Variants in HSPA12A observed in about 807,000 individuals in gnomAD.
HSPA12A encodes the protein heat shock protein family A (Hsp70) member 12A.
Under a neutral mutation model 69.2 loss-of-function variants are expected in HSPA12A, and 28 were observed. The ratio of observed to expected loss-of-function variants is 0.40; its 90% CI spans 0.30 to 0.55. The LOEUF is 0.55. HSPA12A is among the 20% of genes least tolerant of loss of function. The pLI, the probability that HSPA12A is intolerant of heterozygous loss-of-function variation, is 0.38. For synonymous variants in HSPA12A, 345 were observed against 370.5 expected (o/e 0.93, Z 0.79); for missense variants, 686 against 900.7 (o/e 0.76, Z 3.05).
chr10:116,758,815 T>C (rs1338089586), intron 2 of HSPA12A, among the ~76,000 whole-genome samples: 1 of 152,002 alleles, frequency 6.6e-6, no homozygotes, highest in East Asian at 1.9e-4. Context: ...ACCAAGGAAA[T>C]AAAGAGTGTG....
intron 1 of HSPA12A, among the ~76,000 whole-genome samples, chr10:116,735,949 T>A (rs1276155719): frequency 6.6e-6 from 1 of 151,952 alleles, no homozygotes; most frequent in Non-Finnish European, 1.5e-5. Flanking sequence ...TAAGCCAAGA[T>A]CACGCCACTG....
chr10:116,792,169 T>C (rs544064925), intron 2 of HSPA12A, among the ~76,000 whole-genome samples: 1 of 148,004 alleles, frequency 6.8e-6, no homozygotes, highest in Admixed American at 7.0e-5. Flanking sequence ...GCCACGTACA[T>C]GCATGTACGT....
chr10:116,725,179 C>T (rs1850914005), intron 1 of HSPA12A, among the ~76,000 whole-genome samples: 1 of 152,182 alleles, frequency 6.6e-6, no homozygotes, highest in African/African-American at 2.4e-5. Context: ...TGTTAGCCTC[C>T]TCCAGGGCCC....
At chr10:116,803,178 G>T (rs1181724355) in intron 2 of HSPA12A, among the ~76,000 whole-genome samples, 1 of 152,260 alleles carries the variant, frequency 6.6e-6, no homozygotes, top group African/African-American at 2.4e-5. Context: ...TTTTCTGAGG[G>T]TATGCTGTGT....
intron 2 of HSPA12A, among the ~76,000 whole-genome samples, chr10:116,755,805 CAAAA>C (rs11286178): frequency 1.6e-5 from 2 of 123,386 alleles, no homozygotes; most frequent in Non-Finnish European, 1.7e-5. Flanking sequence ...CCATCTCTAC[CAAAA>C]AAAAAAAAAA....
At chr10:116,825,582 C>T (rs562297481) in intron 2 of HSPA12A, among the ~76,000 whole-genome samples, 82 of 152,142 alleles carry the variant, frequency 5.4e-4, no homozygotes, top group Middle Eastern at 3.4e-3. Context: ...TTATGCTAAA[C>T]GAAAGAAGCA....
chr10:116,812,555 G>A (rs893330212), intron 2 of HSPA12A, among the ~76,000 whole-genome samples: 9 of 152,018 alleles, frequency 5.9e-5, no homozygotes, highest in African/African-American at 2.2e-4. Flanking sequence ...GAAGTGGCTT[G>A]TGGCTGACCA....
chr10:116,675,067 C>T lies in HSPA12A; in HGVS notation c.1742G>A (p.Gly581Asp). ...FISADQSVAL[G>D]ELVKRSYTPA... The stretch of plus-strand genomic sequence containing the variant: ...GGTGTAGCTACGCTTGACCAGCTCA[C>T]CCAGAGCCACAGACTGGTCGGCAGA... The change falls in exon 12 of 12, where the codon GGT (glycine) becomes GAT (aspartate). Residue 581 changes from glycine (G) to aspartate (D), a missense_variant. Transcript: ENST00000369209. The surrounding 1 kb of genome is among the most constrained non-coding windows in gnomAD (Gnocchi z 5.2). 2 of 1,614,044 alleles carry T rather than the reference C, an allele frequency of 1.2e-6. No individual in the cohort carries two copies. Among genetic ancestry groups the T allele is most frequent in the Non-Finnish European group, 1.7e-6 (2 of 1,180,014 alleles).
intron 1 of HSPA12A, among the ~76,000 whole-genome samples, chr10:116,844,700 T>G (rs1328915948): frequency 6.6e-6 from 1 of 152,162 alleles, no homozygotes; most frequent in Non-Finnish European, 1.5e-5. Context: ...TGGTTCCCTA[T>G]GAAAAATGAT....
chr10:116,713,154 A>G (rs1315106064), intron 1 of HSPA12A, among the ~76,000 whole-genome samples: 1 of 150,472 alleles, frequency 6.6e-6, no homozygotes, highest in Non-Finnish European at 1.5e-5. Context: ...AAAACTGATC[A>G]GCTCAAGGTC....
intron 2 of HSPA12A, among the ~76,000 whole-genome samples, chr10:116,834,601 G>A (rs749054069): frequency 6.6e-6 from 1 of 152,218 alleles, no homozygotes; most frequent in Non-Finnish European, 1.5e-5. Flanking sequence ...GAGCAGGGCA[G>A]TAAGACAGCA....
chr10:116,754,343 T>C (rs1843781702), intron 2 of HSPA12A, among the ~76,000 whole-genome samples: 1 of 152,252 alleles, frequency 6.6e-6, no homozygotes, highest in South Asian at 2.1e-4. Context: ...ATTATGTATT[T>C]CATCCCCCAA....
chr10:116,796,323 A>G (rs1300788874), intron 2 of HSPA12A, among the ~76,000 whole-genome samples: 1 of 151,222 alleles, frequency 6.6e-6, no homozygotes, highest in Non-Finnish European at 1.5e-5. Context: ...GGAAACACTA[A>G]TCCAAGACTC....
intron 1 of HSPA12A, among the ~76,000 whole-genome samples, chr10:116,741,585 C>G (rs1554887158): frequency 6.6e-6 from 1 of 152,206 alleles, no homozygotes; most frequent in African/African-American, 2.4e-5. Context: ...CCTGGCCAGC[C>G]GGGCCCTCCG....
intron 2 of HSPA12A, among the ~76,000 whole-genome samples, chr10:116,774,611 T>C (rs1429561869): frequency 6.6e-6 from 1 of 152,204 alleles, no homozygotes; most frequent in Non-Finnish European, 1.5e-5. Flanking sequence ...GCTAGAGGAC[T>C]GGCCTTTTGG....
At chr10:116,694,807 C>T (rs782093370) in intron 5 of HSPA12A, among the ~76,000 whole-genome samples, 18 of 152,048 alleles carry the variant, frequency 1.2e-4, no homozygotes, top group Non-Finnish European at 1.9e-4. Flanking sequence ...AGACCTGGGT[C>T]CACCTCGTTG....
intron 2 of HSPA12A, among the ~76,000 whole-genome samples, chr10:116,763,760 T>C (rs781962501): frequency 1.3e-5 from 2 of 152,162 alleles, no homozygotes; most frequent in Non-Finnish European, 2.9e-5. Context: ...TCAACTGAAT[T>C]GGAAAAGATC....
At chr10:116,776,068 C>A (rs1844330240) in intron 2 of HSPA12A, among the ~76,000 whole-genome samples, 1 of 152,204 alleles carries the variant, frequency 6.6e-6, no homozygotes, top group African/African-American at 2.4e-5. Flanking sequence ...TGGTCTCTGT[C>A]CACTGAGCTG....
intron 1 of HSPA12A, among the ~76,000 whole-genome samples, chr10:116,738,972 C>A (rs1484785321): frequency 3.3e-5 from 5 of 152,226 alleles, no homozygotes; most frequent in African/African-American, 9.6e-5. Context: ...AGAACCCTAA[C>A]CTGCAATGCC....
Sources: allele counts gnomAD v4.1 joint callset (sites outside exome capture counted in the v4.1 genomes callset), GRCh38; gene constraint gnomAD v4.1.1; non-coding constraint Gnocchi (gnomAD v3.1); transcripts MANE v1.5; gene names NCBI Gene and HGNC (gene_info 2026-07-23, HGNC 2026-07-21).